The following MRC1 variants were observed in gnomAD, a reference collection of about 807,000 sequenced individuals.
MRC1 encodes macrophage mannose receptor 1.
A neutral mutation model predicts 102.9 loss-of-function variants in MRC1; 62 were observed. That is an observed-to-expected ratio of 0.60 (90% CI 0.49 to 0.74). The LOEUF is 0.74. Among genes scored for constraint, MRC1 ranks in the 30% least tolerant of loss-of-function variants. MRC1 has a pLI of 0.00. For missense variants in MRC1, 1,237 were observed against 862.8 expected, an observed-to-expected ratio of 1.43 and a Z score of -5.43; for synonymous variants, 457 against 298.4, an observed-to-expected ratio of 1.53 and a Z score of -5.48.
chr10:17,856,186 A>T, intron 8 of MRC1, 56 bp from the exon 9 acceptor site: 1 of 758,232 alleles, frequency 1.3e-6, no homozygotes, highest in Non-Finnish European at 2.3e-6. Context: ...AAAAAAAAAA[A>T]AAAGGTCCCC....
Position 17,873,794 on chromosome 10 carries a change from A to T in MRC1, c.2355A>T (p.Pro785=). 1.1e-6 allele frequency: 1 copy of T among 872,654 alleles called. No homozygotes were observed. Among genetic ancestry groups the T allele is most frequent in the East Asian group, 2.4e-5 (1 of 41,704 alleles). 54.1% of individuals were successfully genotyped at this position (872,654 alleles called of 1,614,324 possible). A position where few individuals can be genotyped will look rare whatever the true frequency, so the allele number is the denominator to read the frequency against. The change falls in exon 16 of 30, where the codon CCA becomes CCT. Residue 785 remains proline (P), a synonymous_variant. Coordinates refer to ENST00000569591, the MANE Select transcript of MRC1 (RefSeq NM_002438.4). ...WICQIQKGQT[P]KPEPTPAPQD... ...TCTCTTGTTTTACAGGACAAACACC[A>T]AAACCTGAGCCAACACCAGCTCCTC...
At chr10:17,847,801 A>G (rs1007407407) in intron 6 of MRC1, among the ~76,000 whole-genome samples, 24 of 99,882 alleles carry the variant, frequency 2.4e-4, no homozygotes, top group Non-Finnish European at 2.9e-4. Context: ...TTTAAAGTTC[A>G]TCATTTCAGT....
chr10:17,899,041 C>T (rs1032580255), intron 24 of MRC1, among the ~76,000 whole-genome samples: 2 of 149,550 alleles, frequency 1.3e-5, no homozygotes, highest in Admixed American at 1.3e-4. Flanking sequence ...GAAGGTTCCT[C>T]AGAAAAAGCC....
At chr10:17,842,154 G>T (rs929263258) in intron 5 of MRC1, among the ~76,000 whole-genome samples, 2 of 152,016 alleles carry the variant, frequency 1.3e-5, no homozygotes, top group Non-Finnish European at 2.9e-5. Context: ...GTAGTGATGG[G>T]ATTTCCCCAC....
chr10:17,871,899 T>A, intron 14 of MRC1, 83 bp from the exon 15 acceptor site: 1 of 734,156 alleles, frequency 1.4e-6, no homozygotes, highest in South Asian at 1.5e-5. Flanking sequence ...TGCAAACATA[T>A]CTTTCGTTTT....
chr10:17,887,859 A>G (rs1316482979), intron 22 of MRC1, among the ~76,000 whole-genome samples: 1 of 152,108 alleles, frequency 6.6e-6, no homozygotes, highest in Non-Finnish European at 1.5e-5. Flanking sequence ...CTGGTGTGCA[A>G]TGGTGCAATC....
At chr10:17,811,958 C>T (rs1838230234) in intron 1 of MRC1, among the ~76,000 whole-genome samples, 1 of 152,142 alleles carries the variant, frequency 6.6e-6, no homozygotes, top group Admixed American at 6.6e-5. Context: ...GGCAGGGCAC[C>T]TGCTTAGTTA....
intron 21 of MRC1, among the ~76,000 whole-genome samples, chr10:17,883,628 G>T (rs1050569945): frequency 4.6e-5 from 7 of 152,154 alleles, no homozygotes; most frequent in African/African-American, 1.7e-4. Flanking sequence ...TTGCATCTCT[G>T]CAGATTTTTA....
intron 3 of MRC1, among the ~76,000 whole-genome samples, chr10:17,833,317 T>G (rs999169521): frequency 2.0e-5 from 3 of 151,926 alleles, no homozygotes; most frequent in Non-Finnish European, 4.4e-5. Context: ...GAACAGGAGT[T>G]TTAGACTAGC....
At chr10:17,868,716 C>G (rs999687392) in intron 12 of MRC1, among the ~76,000 whole-genome samples, 1 of 152,178 alleles carries the variant, frequency 6.6e-6, no homozygotes, top group South Asian at 2.1e-4. Flanking sequence ...ATCAGGATGA[C>G]GCTGTGCAGT....
intron 5 of MRC1, among the ~76,000 whole-genome samples, chr10:17,842,711 A>G (rs890216614): frequency 3.3e-5 from 5 of 152,208 alleles, no homozygotes; most frequent in Admixed American, 2.0e-4. Context: ...TTTTATACAT[A>G]TTAGGCAGTC....
chr10:17,810,379 G>A (rs1244136354), intron 1 of MRC1, among the ~76,000 whole-genome samples: 1 of 152,156 alleles, frequency 6.6e-6, no homozygotes, highest in Non-Finnish European at 1.5e-5. Context: ...AACACTTGCA[G>A]AGAATGGTTT....
chr10:17,834,767 G>T (rs1027790531), intron 4 of MRC1, among the ~76,000 whole-genome samples: 1 of 152,142 alleles, frequency 6.6e-6, no homozygotes, highest in African/African-American at 2.4e-5. Context: ...GACTAAAAGG[G>T]CTAAAGTTTG....
At chr10:17,830,421 C>T (rs1316869307) in intron 3 of MRC1, among the ~76,000 whole-genome samples, 1 of 151,388 alleles carries the variant, frequency 6.6e-6, no homozygotes, top group South Asian at 2.1e-4. Context: ...TGTGAGCCAC[C>T]GTGCCCGGAC....
rs59778334 is a variant in MRC1, at chr10:17,819,453, A to ATGTGTGTGTGTGTGTG, written c.62-3599_62-3584dup. On this transcript the variant is annotated intron_variant, in intron 1 of 29. Transcript: ENST00000569591. Reference sequence around the variant, plus strand: ...GGTATATGTATGAATTCAGAGTTGTATGTGTGTGTGTGTGTGTGTGTGTGT... The same window carrying ATGTGTGTGTGTGTGTG: ...GGTATATGTATGAATTCAGAGTTGTATGTGTGTGTGTGTGTGTGTGTGTGTGTGTGTGTGTGTGTGT... 9.7e-4 allele frequency among the ~76,000 whole-genome samples: 141 copies of ATGTGTGTGTGTGTGTG among 145,774 alleles called. 1 individual carries two copies. Among genetic ancestry groups the ATGTGTGTGTGTGTGTG allele is most frequent in the African/African-American group, 3.5e-3 (137 of 39,290 alleles).
At chr10:17,900,766 A>T in intron 24 of MRC1, 22 bp from the exon 25 acceptor site, 1 of 780,776 alleles carries the variant, frequency 1.3e-6, no homozygotes, top group South Asian at 1.3e-5. Context: ...CTGCATGTTA[A>T]TGCTTGTTTT....
intron 1 of MRC1, among the ~76,000 whole-genome samples, chr10:17,820,657 A>G (rs1159516295): frequency 2.0e-5 from 3 of 152,178 alleles, no homozygotes; most frequent in African/African-American, 4.8e-5. Flanking sequence ...AAGCAAAGCT[A>G]TCTGAAAAGT....
At position 17,809,831 on chromosome 10, in the gene MRC1, G is replaced by T. The variant is rs978569476; in HGVS notation, c.61+305G>T. ...TCGTTGTTCCTTCCCTGTTTTCTTC[G>T]TGCAGAAATTTCCTGCTCTGTGGTT... On this transcript the variant is annotated intron_variant, in intron 1 of 29. Coordinates refer to ENST00000569591, the MANE Select transcript of MRC1 (RefSeq NM_002438.4). Among the ~76,000 whole-genome samples, 218 of 152,182 alleles carry T rather than the reference G, an allele frequency of 1.4e-3. 2 individuals are homozygous for T. The highest frequency in any genetic ancestry group is 4.9e-3 in the African/African-American group (203 of 41,500).
intron 21 of MRC1, among the ~76,000 whole-genome samples, chr10:17,883,702 G>C (rs1833550289): frequency 6.6e-6 from 1 of 152,218 alleles, no homozygotes; most frequent in Non-Finnish European, 1.5e-5. Context: ...ATGTTCAGCA[G>C]ATGTGTTTAA....
Sources: gnomAD v4.1 joint callset for allele counts (sites outside exome capture counted in the v4.1 genomes callset) on GRCh38, gnomAD v4.1.1 for gene constraint, MANE v1.5 for transcripts, NCBI Gene and HGNC (gene_info 2026-07-23, HGNC 2026-07-21) for gene names.